OXR1: variants seen among roughly 807,000 people sequenced by gnomAD.
The protein encoded by OXR1 is oxidation resistance protein 1.
Under a neutral mutation model 104.6 loss-of-function variants are expected in OXR1, and 41 were observed. The observed-to-expected ratio is 0.39, with a 90% CI of 0.31 to 0.51. The LOEUF is 0.51. OXR1 is among the 20% of genes least tolerant of loss of function. The pLI is 0.77. For synonymous variants in OXR1, 348 were observed against 348.4 expected (o/e 1.00, Z 0.01); for missense variants, 955 against 1,031.9 (o/e 0.93, Z 1.02).
At chr8:106,414,942 A>G (rs958679150) in intron 2 of OXR1, among the ~76,000 whole-genome samples, 2 of 152,160 alleles carry the variant, frequency 1.3e-5, no homozygotes, top group Admixed American at 6.6e-5. Flanking sequence ...AGTACAGTCT[A>G]TAACCTTAGG....
chr8:106,725,778 T>TTAGC (rs1376407092), intron 11 of OXR1, among the ~76,000 whole-genome samples: 1 of 152,216 alleles, frequency 6.6e-6, no homozygotes, highest in African/African-American at 2.4e-5. Context: ...TATAGTACTG[T>TTAGC]TAGCTGTAAG....
chr8:106,484,567 A>G (rs1406409918), intron 2 of OXR1, among the ~76,000 whole-genome samples: 1 of 152,100 alleles, frequency 6.6e-6, no homozygotes, highest in Admixed American at 6.6e-5. Flanking sequence ...ATATGAAAAG[A>G]CGCTTCATAT....
chr8:106,593,044 A>C (rs1209625262), intron 3 of OXR1, among the ~76,000 whole-genome samples: 3 of 152,062 alleles, frequency 2.0e-5, no homozygotes, highest in Non-Finnish European at 4.4e-5. Context: ...CTGCCTTTTA[A>C]GATTTCTTTT....
intron 1 of OXR1, among the ~76,000 whole-genome samples, chr8:106,354,182 GC>G (rs1281687730): frequency 6.6e-6 from 1 of 151,790 alleles, no homozygotes; most frequent in Non-Finnish European, 1.5e-5. Flanking sequence ...AGAGTAGAGA[GC>G]CTAGGTTAGG....
At chr8:106,376,518 G>A (rs1254336982) in intron 2 of OXR1, among the ~76,000 whole-genome samples, 1 of 151,840 alleles carries the variant, frequency 6.6e-6, no homozygotes, top group African/African-American at 2.4e-5. Flanking sequence ...AAATAATATT[G>A]GCCTAAGACT....
chr8:106,493,033 A>G (rs1811197106), intron 2 of OXR1, among the ~76,000 whole-genome samples: 1 of 152,226 alleles, frequency 6.6e-6, no homozygotes, highest in Non-Finnish European at 1.5e-5. Context: ...GTAGACCTTC[A>G]GGCTAGGAGA....
intron 3 of OXR1, among the ~76,000 whole-genome samples, chr8:106,674,715 G>A (rs1466547786): frequency 2.0e-5 from 3 of 152,242 alleles, no homozygotes; most frequent in South Asian, 2.1e-4. Flanking sequence ...GAGGTAATTG[G>A]ATCATGGGGG....
intron 3 of OXR1, among the ~76,000 whole-genome samples, chr8:106,544,796 A>AT (rs902554630): frequency 3.3e-5 from 5 of 152,074 alleles, no homozygotes; most frequent in Non-Finnish European, 5.9e-5. Context: ...TATTTAATTA[A>AT]TTTTTTTTGT....
intron 2 of OXR1, among the ~76,000 whole-genome samples, chr8:106,487,467 C>G (rs1563555110): frequency 1.3e-5 from 2 of 149,948 alleles, no homozygotes; most frequent in African/African-American, 4.9e-5. Context: ...TACATGTGCA[C>G]ATTGTGCAGG....
Position 106,448,577 on chromosome 8 carries a change from A to G in OXR1, c.24-70366A>G, listed in dbSNP as rs146608673. ...AACAAAATCATGAAAAATGTTGTCT[A>G]TATTATTCTGTGAATAATAGTTTCA... is the stretch of plus-strand genomic sequence containing the variant. On this transcript the variant is annotated intron_variant, in intron 2 of 16. Transcript: ENST00000517566. Among the ~76,000 whole-genome samples, 19 of 152,290 alleles carry G rather than the reference A, an allele frequency of 1.2e-4. No homozygotes were observed. The East Asian group carries it at 2.3e-3, about 19-fold the overall frequency.
At chr8:106,312,502 A>G (rs556930267) in intron 1 of OXR1, among the ~76,000 whole-genome samples, 25 of 152,312 alleles carry the variant, frequency 1.6e-4, no homozygotes, top group African/African-American at 5.5e-4. Context: ...TAGGCTAGTC[A>G]ATTCACTGTG....
intron 3 of OXR1, among the ~76,000 whole-genome samples, chr8:106,612,657 A>G (rs1820904812): frequency 6.6e-6 from 1 of 152,168 alleles, no homozygotes; most frequent in South Asian, 2.1e-4. Flanking sequence ...GGACTGTATT[A>G]ACATTGTTTA....
chr8:106,288,592 C>CTT (rs1563696493), intron 1 of OXR1, among the ~76,000 whole-genome samples: 1 of 132,850 alleles, frequency 7.5e-6, no homozygotes, highest in Non-Finnish European at 1.6e-5. Context: ...ATATACACAC[C>CTT]ATATATATAC....
intron 1 of OXR1, 69 bp downstream of exon 1, chr8:106,270,436 G>T (rs1235225353): frequency 6.6e-6 from 1 of 152,390 alleles, no homozygotes; most frequent in Non-Finnish European, 1.5e-5. Flanking sequence ...GAGGGATAGC[G>T]AGAGGCGCGG....
At chr8:106,482,814 A>G (rs76011964) in intron 2 of OXR1, among the ~76,000 whole-genome samples, 1,560 of 152,022 alleles carry the variant, frequency 0.01, 24 homozygotes, top group African/African-American at 0.035. Context: ...ACTCTTTCAA[A>G]TGAGCAGTGG....
At chr8:106,730,591 A>G (rs1438742947) in intron 11 of OXR1, among the ~76,000 whole-genome samples, 3 of 152,064 alleles carry the variant, frequency 2.0e-5, no homozygotes, top group Non-Finnish European at 2.9e-5. Flanking sequence ...ATAATATTCT[A>G]TTTTATGGTT....
intron 1 of OXR1, among the ~76,000 whole-genome samples, chr8:106,293,243 T>G (rs1480146899): frequency 6.6e-6 from 1 of 152,186 alleles, no homozygotes; most frequent in African/African-American, 2.4e-5. Flanking sequence ...TAAATCACAT[T>G]TTTTTCCATG....
intron 2 of OXR1, among the ~76,000 whole-genome samples, chr8:106,458,823 T>A (rs1322654360): frequency 6.6e-6 from 1 of 152,198 alleles, no homozygotes; most frequent in Non-Finnish European, 1.5e-5. Flanking sequence ...AGTTAGCCCT[T>A]TCTTCTTGCT....
intron 8 of OXR1, among the ~76,000 whole-genome samples, chr8:106,704,180 A>C (rs1783584572): frequency 6.6e-6 from 1 of 152,074 alleles, no homozygotes; most frequent in Non-Finnish European, 1.5e-5. Context: ...CCTCTGTATT[A>C]GTTATATTTG....
Sources: allele counts gnomAD v4.1 joint callset (sites outside exome capture counted in the v4.1 genomes callset), GRCh38; gene constraint gnomAD v4.1.1; transcripts MANE v1.5; gene names NCBI Gene and HGNC (gene_info 2026-07-23, HGNC 2026-07-21).